Variants in STK32B observed in about 807,000 individuals in gnomAD.
STK32B encodes serine/threonine-protein kinase 32B.
Under a neutral mutation model 52.6 loss-of-function variants are expected in STK32B, and 43 were observed. That is an observed-to-expected ratio of 0.82 (90% CI 0.64 to 1.05). The LOEUF (loss-of-function observed/expected upper bound fraction) is 1.05, where lower values mean the gene tolerates loss of function less well. STK32B is among the 50% of genes least tolerant of loss of function. The pLI is 0.00. For synonymous variants in STK32B, 238 were observed against 204.3 expected, an observed-to-expected ratio of 1.17 and a Z score of -1.41; for missense variants, 621 against 534.6, an observed-to-expected ratio of 1.16 and a Z score of -1.59.
chr4:5,021,453 T>C, the STK32B span, among the ~76,000 whole-genome samples: 1 of 152,204 alleles, frequency 6.6e-6, no homozygotes, highest in African/African-American at 2.4e-5. Context: ...TCCATGATAG[T>C]GCCTGGGGCA....
At chr4:5,150,773 T>G (rs1717298294) in intron 2 of STK32B, among the ~76,000 whole-genome samples, 1 of 152,168 alleles carries the variant, frequency 6.6e-6, no homozygotes, top group East Asian at 1.9e-4. Flanking sequence ...CAGAAAGAGT[T>G]GTAGCCCAGT....
intron 3 of STK32B, among the ~76,000 whole-genome samples, chr4:5,330,925 G>C (rs911961015): frequency 4.6e-5 from 7 of 152,180 alleles, no homozygotes; most frequent in Admixed American, 4.6e-4. Context: ...GAAGAAACAT[G>C]CTGGAGTCCA....
chr4:5,074,076 C>T (rs1462600346), intron 1 of STK32B, among the ~76,000 whole-genome samples: 1 of 151,972 alleles, frequency 6.6e-6, no homozygotes, highest in African/African-American at 2.4e-5. Flanking sequence ...ACACATCCCT[C>T]CCCCTTTTAT....
At chr4:5,309,580 A>G (rs917892720) in intron 3 of STK32B, among the ~76,000 whole-genome samples, 7 of 152,206 alleles carry the variant, frequency 4.6e-5, no homozygotes, top group Non-Finnish European at 7.3e-5. Flanking sequence ...ATAAATCCAC[A>G]TATTTACAAC....
Position 5,499,022 on chromosome 4 carries a change from T to G in STK32B, c.1184T>G (p.Leu395Arg). The change falls in exon 12 of 12, where the codon CTC (leucine) becomes CGC (arginine). Residue 395 changes from leucine (L) to arginine (R), a missense_variant. Physicochemically the swap from Leu to Arg is moderately radical, Grantham distance 102. Transcript: ENST00000282908. ...SRGGGQAQSK[L>R]QDGCNNNLLT... ...GGGGGAGGCCAGGCCCAAAGCAAGC[T>G]CCAGGACGGGTGCAACAACAACCTC... The G allele has an allele frequency of 6.2e-7, 1 of 1,613,688 alleles. No individual in the cohort carries two copies. Among genetic ancestry groups the G allele is most frequent in the South Asian group, 1.1e-5 (1 of 91,030 alleles).
chr4:5,398,326 G>T lies in STK32B; in HGVS notation c.472+82G>T. On this transcript the variant is annotated intron_variant, in intron 5 of 11. Transcript: ENST00000282908. This position sits in a 1 kb window ranked among gnomAD's most constrained non-coding sequence, Gnocchi z 4.9. ...GAAATAGTGCGGGGGTGGGGGTTGGGTCTTGCTGAGTTGGACATTAGCATT... is the reference window on the plus strand; with the variant it reads ...GAAATAGTGCGGGGGTGGGGGTTGGTTCTTGCTGAGTTGGACATTAGCATT... The T allele has an allele frequency of 6.8e-7, 1 of 1,466,528 alleles. No individual in the cohort carries two copies. The highest frequency in any genetic ancestry group is 9.5e-7 in the Non-Finnish European group (1 of 1,056,172). The allele number at this position is 1,466,528 out of a possible 1,614,324, so 90.8% of individuals were successfully genotyped here. A position where few individuals can be genotyped will look rare whatever the true frequency, so the allele number is the denominator to read the frequency against.
intron 1 of STK32B, chr4:5,127,062 A>T: frequency 2.0e-6 from 1 of 500,298 alleles, no homozygotes; most frequent in Non-Finnish European, 4.0e-6. Flanking sequence ...TGCCATGGAC[A>T]TTGGTGCTGC....
chr4:5,073,769 T>A (rs919265021), intron 1 of STK32B, among the ~76,000 whole-genome samples: 1 of 152,070 alleles, frequency 6.6e-6, no homozygotes, highest in African/African-American at 2.4e-5. Context: ...TTGACTTTTT[T>A]ATTTATTTAT....
chr4:5,216,649 T>C (rs752483634), intron 3 of STK32B, among the ~76,000 whole-genome samples: 38 of 152,110 alleles, frequency 2.5e-4, no homozygotes, highest in Non-Finnish European at 4.1e-4. Flanking sequence ...CAGTGCAGTC[T>C]GTACAAGGCA....
At chr4:5,146,853 A>G (rs530290137) in intron 2 of STK32B, among the ~76,000 whole-genome samples, 3 of 152,310 alleles carry the variant, frequency 2.0e-5, no homozygotes, top group South Asian at 2.1e-4. Flanking sequence ...ATCAGGTAGT[A>G]TAAGTCCTCC....
At chr4:5,140,055 G>C in intron 2 of STK32B, 95 bp downstream of exon 2, 3 of 1,532,402 alleles carry the variant, frequency 2.0e-6, no homozygotes, top group Non-Finnish European at 2.7e-6. Flanking sequence ...TGTTCTGTTT[G>C]ACAGTAAGAT....
intron 6 of STK32B, among the ~76,000 whole-genome samples, chr4:5,428,197 G>A (rs1713258049): frequency 6.6e-6 from 1 of 152,026 alleles, no homozygotes; most frequent in Admixed American, 6.6e-5. Flanking sequence ...CACAAGGTCA[G>A]GAGATCAAGA....
chr4:5,493,933 G>A, intron 11 of STK32B, among the ~76,000 whole-genome samples: 1 of 152,262 alleles, frequency 6.6e-6, no homozygotes, highest in East Asian at 1.9e-4. Flanking sequence ...ATAGCACTGT[G>A]GTCTGAGAGA....
intron 3 of STK32B, among the ~76,000 whole-genome samples, chr4:5,299,154 G>A (rs1241881879): frequency 6.6e-6 from 1 of 151,810 alleles, no homozygotes; most frequent in Non-Finnish European, 1.5e-5. Flanking sequence ...CCAGTGAGAT[G>A]AACTGGGTAC....
At chr4:5,027,296 C>T in the STK32B span, among the ~76,000 whole-genome samples, 1 of 152,182 alleles carries the variant, frequency 6.6e-6, no homozygotes, top group Non-Finnish European at 1.5e-5. Context: ...AAAAGCGATT[C>T]ATGTTTTAGA....
At chr4:5,305,258 A>G (rs1007958054) in intron 3 of STK32B, among the ~76,000 whole-genome samples, 3 of 147,338 alleles carry the variant, frequency 2.0e-5, no homozygotes, top group Admixed American at 1.3e-4. Context: ...GTGTCTCAGT[A>G]GGATTGGTCC....
chr4:5,139,853 A>G, intron 1 of STK32B, 52 bp from the exon 2 acceptor site: 4 of 1,605,688 alleles, frequency 2.5e-6, no homozygotes, highest in Non-Finnish European at 3.4e-6. Context: ...TTCAAGGAGC[A>G]ATACCAGGTT....
the STK32B span, among the ~76,000 whole-genome samples, chr4:5,035,467 C>T: frequency 4.6e-5 from 7 of 152,284 alleles, no homozygotes; most frequent in African/African-American, 1.2e-4. Flanking sequence ...ACGATATGCT[C>T]GACTATGCCT....
chr4:5,171,226 G>C (rs1211988190), intron 3 of STK32B, among the ~76,000 whole-genome samples: 1 of 151,822 alleles, frequency 6.6e-6, no homozygotes, highest in Non-Finnish European at 1.5e-5. Context: ...CAGATGAGTA[G>C]GTTGCGAAAA....
Sources: allele counts gnomAD v4.1 joint callset (sites outside exome capture counted in the v4.1 genomes callset), GRCh38; gene constraint gnomAD v4.1.1; non-coding constraint Gnocchi (gnomAD v3.1); transcripts MANE v1.5; gene names NCBI Gene and HGNC (gene_info 2026-07-23, HGNC 2026-07-21).